Variants in SLBP observed in about 807,000 individuals in gnomAD.
SLBP encodes the protein stem-loop histone mRNA binding protein.
In SLBP, 29 loss-of-function variants were observed where a neutral mutation model predicts 39.2. The observed-to-expected ratio is 0.74, with a 90% CI of 0.55 to 1.01. SLBP has a LOEUF of 1.01. Among genes scored for constraint, SLBP ranks in the 50% least tolerant of loss-of-function variants. The pLI is 0.00. For synonymous variants in SLBP, 129 were observed against 118.7 expected, an observed-to-expected ratio of 1.09 and a Z score of -0.57; for missense variants, 390 against 350.2, an observed-to-expected ratio of 1.11 and a Z score of -0.91.
chr4:1,699,500 AGCAACTCTTTAGAAAC>A, intron 5 of SLBP, 48 bp downstream of exon 5: 1 of 1,557,366 alleles, frequency 6.4e-7, no homozygotes, highest in Non-Finnish European at 8.8e-7. Context: ...ACCCAATCTA[AGCAACTCTTTAGAAAC>A]GCAATGCCAC....
chr4:1,698,694 C>T (rs1458165863), intron 5 of SLBP, among the ~76,000 whole-genome samples: 1 of 151,930 alleles, frequency 6.6e-6, no homozygotes, highest in African/African-American at 2.4e-5. Context: ...CCGTGTTAGC[C>T]AGGGTGGTCT....
chr4:1,698,951 G>A (rs1198697116), intron 5 of SLBP, among the ~76,000 whole-genome samples: 2 of 151,780 alleles, frequency 1.3e-5, no homozygotes, highest in Non-Finnish European at 2.9e-5. Context: ...CACCACACCT[G>A]GCTAATTTTT....
rs145374183 is a variant in SLBP, at chr4:1,695,675, G to A, written c.629+527C>T. 4.2e-4 allele frequency among the ~76,000 whole-genome samples: 64 copies of A among 152,128 alleles called. 1 individual carries two copies. In the East Asian group the frequency reaches 0.01, roughly 24 times the overall value. ...GCGTGCCTGTAATCCCAGCTACTCAGGAGGCTGAGGCAGGAGAACCACCTG... is the reference window on the plus strand; with the variant it reads ...GCGTGCCTGTAATCCCAGCTACTCAAGAGGCTGAGGCAGGAGAACCACCTG... On this transcript the variant is annotated intron_variant, in intron 6 of 7. Transcript: ENST00000489418.
intron 5 of SLBP, among the ~76,000 whole-genome samples, chr4:1,699,137 T>C (rs1716232312): frequency 6.6e-6 from 1 of 152,208 alleles, no homozygotes; most frequent in African/African-American, 2.4e-5. Flanking sequence ...ACTAAAGCTT[T>C]CTTTATATCC....
At chr4:1,703,333 TACC>T (rs1258930802) in intron 3 of SLBP, among the ~76,000 whole-genome samples, 1 of 151,962 alleles carries the variant, frequency 6.6e-6, no homozygotes, top group African/African-American at 2.4e-5. Context: ...TTGGAAGGAT[TACC>T]ACCAAGAGGA....
chr4:1,696,355 C>T lies in SLBP; in HGVS notation c.480-4G>A. On this transcript the variant is annotated splice_region_variant and splice_polypyrimidine_tract_variant and intron_variant, in intron 5 of 7. Coordinates refer to ENST00000489418, the MANE Select transcript of SLBP (RefSeq NM_006527.4). ...AATGCCAGGTTGTCGAAGGTGTCTA[C>T]AGGAGAAAGATTATTCTAGCACATG... is the stretch of plus-strand genomic sequence containing the variant. The T allele has an allele frequency of 3.8e-6, 6 of 1,563,562 alleles. No individual in the cohort carries two copies. Among genetic ancestry groups the T allele is most frequent in the Non-Finnish European group, 5.2e-6 (6 of 1,155,804 alleles).
chr4:1,698,556 C>G (rs926548749), intron 5 of SLBP, among the ~76,000 whole-genome samples: 1 of 142,696 alleles, frequency 7.0e-6, no homozygotes, highest in Non-Finnish European at 1.5e-5. Flanking sequence ...GCAATCTCGG[C>G]TCACTGCAAC....
intron 5 of SLBP, among the ~76,000 whole-genome samples, chr4:1,699,126 C>T (rs969977620): frequency 6.6e-6 from 1 of 152,278 alleles, no homozygotes; most frequent in African/African-American, 2.4e-5. Context: ...TTCAGGAAAA[C>T]ACTAAAGCTT....
At chr4:1,694,910 C>G (rs941621578) in intron 6 of SLBP, 70 bp from the exon 7 acceptor site, 8 of 1,035,178 alleles carry the variant, frequency 7.7e-6, no homozygotes, top group Non-Finnish European at 1.2e-5. Flanking sequence ...GCGCTACAGA[C>G]AAACCCCATC....
At chr4:1,693,897 C>T (rs547936869) in intron 7 of SLBP, among the ~76,000 whole-genome samples, 184 bp from the exon 8 acceptor site, 1 of 152,262 alleles carries the variant, frequency 6.6e-6, no homozygotes, top group East Asian at 1.9e-4. Flanking sequence ...GTACCATTTA[C>T]AAGACACTGA....
chr4:1,695,753 C>A (rs1410609757), intron 6 of SLBP, among the ~76,000 whole-genome samples: 1 of 151,486 alleles, frequency 6.6e-6, no homozygotes, highest in Non-Finnish European at 1.5e-5. Context: ...TGCACTCCAG[C>A]CTCGGTGACA....
chr4:1,703,849 G>A (rs574559607), intron 2 of SLBP, 149 bp from the exon 3 acceptor site: 18 of 650,082 alleles, frequency 2.8e-5, no homozygotes, highest in Admixed American at 2.4e-4. Context: ...AGGATCACTT[G>A]AACCCAGGAG....
At position 1,693,511 on chromosome 4, in the gene SLBP, A is replaced by G. The variant is rs757179787; in HGVS notation, c.*86T>C. On this transcript the variant is annotated 3_prime_UTR_variant, in exon 8 of 8. Transcript: ENST00000489418. ...ACTGCTAACAGAGAAACCACCAGGTACAAGTGCACACACATGCTTGGTGCC... is the reference window on the plus strand; with the variant it reads ...ACTGCTAACAGAGAAACCACCAGGTGCAAGTGCACACACATGCTTGGTGCC... 1 of 778,596 alleles carries G rather than the reference A, an allele frequency of 1.3e-6. No individual in the cohort carries two copies. The highest frequency in any genetic ancestry group is 2.3e-6 in the Non-Finnish European group (1 of 434,992). 48.2% of individuals were successfully genotyped at this position (778,596 alleles called of 1,614,324 possible).
At chr4:1,701,950 A>G (rs1716345069) in intron 3 of SLBP, among the ~76,000 whole-genome samples, 2 of 152,180 alleles carry the variant, frequency 1.3e-5, no homozygotes, top group African/African-American at 4.8e-5. Flanking sequence ...TTCCATCACA[A>G]AGGGTATAAT....
At chr4:1,702,044 G>C (rs1716348053) in intron 3 of SLBP, among the ~76,000 whole-genome samples, 1 of 152,102 alleles carries the variant, frequency 6.6e-6, no homozygotes, top group African/African-American at 2.4e-5. Context: ...AGAACAAATA[G>C]GGTCCACTCA....
At chr4:1,702,500 T>C (rs1716363573) in intron 3 of SLBP, among the ~76,000 whole-genome samples, 1 of 152,238 alleles carries the variant, frequency 6.6e-6, no homozygotes, top group African/African-American at 2.4e-5. Context: ...GACACATTTT[T>C]CTTGAGACCC....
chr4:1,703,377 C>A (rs947779580), intron 3 of SLBP, among the ~76,000 whole-genome samples: 1 of 152,028 alleles, frequency 6.6e-6, no homozygotes, highest in Non-Finnish European at 1.5e-5. Flanking sequence ...AGAGTGGACC[C>A]GCCTGGAGGG....
chr4:1,709,754 G>T (rs1242906518), intron 2 of SLBP, among the ~76,000 whole-genome samples: 3 of 152,190 alleles, frequency 2.0e-5, no homozygotes, highest in African/African-American at 7.2e-5. Context: ...TGGGACTACA[G>T]GCGCCCGCTA....
intron 4 of SLBP, 42 bp from the exon 5 acceptor site, chr4:1,699,743 G>A: frequency 6.3e-7 from 1 of 1,592,382 alleles, no homozygotes; most frequent in Non-Finnish European, 8.6e-7. Flanking sequence ...CTGCAATTAA[G>A]ATCACCATGT....
Sources: gnomAD v4.1 joint callset for allele counts (sites outside exome capture counted in the v4.1 genomes callset) on GRCh38, gnomAD v4.1.1 for gene constraint, MANE v1.5 for transcripts, NCBI Gene and HGNC (gene_info 2026-07-23, HGNC 2026-07-21) for gene names.